The following C1QTNF7 variants were observed in gnomAD, a reference collection of about 807,000 sequenced individuals.
C1QTNF7 encodes complement C1q tumor necrosis factor-related protein 7.
In C1QTNF7, 15 loss-of-function variants were observed where a neutral mutation model predicts 19.6. The observed-to-expected ratio is 0.76, with a 90% CI of 0.51 to 1.18. The LOEUF is 1.18. Ranked by LOEUF, C1QTNF7 falls within the 50% of genes most tolerant of loss-of-function variation. The probability of loss-of-function intolerance (pLI) is 0.00; values close to 1 mark genes in which losing one functional copy is unlikely to be tolerated. For synonymous variants in C1QTNF7, 142 were observed against 137.5 expected, an observed-to-expected ratio of 1.03 and a Z score of -0.23; for missense variants, 324 against 359.7, an observed-to-expected ratio of 0.90 and a Z score of 0.80.
intron 1 of C1QTNF7, among the ~76,000 whole-genome samples, chr4:15,341,862 G>A (rs1039981614): frequency 3.3e-5 from 5 of 152,192 alleles, no homozygotes; most frequent in African/African-American, 4.8e-5. Flanking sequence ...GGACGGGTGC[G>A]GCAGAGAAAT....
chr4:15,378,976 A>G (rs1190598043), intron 1 of C1QTNF7, among the ~76,000 whole-genome samples: 1 of 152,176 alleles, frequency 6.6e-6, no homozygotes, highest in Admixed American at 6.5e-5. Context: ...TAACAATCCA[A>G]ATGATTGTCT....
intron 1 of C1QTNF7, among the ~76,000 whole-genome samples, chr4:15,355,084 A>G (rs1356888138): frequency 6.6e-6 from 1 of 152,168 alleles, no homozygotes; most frequent in South Asian, 2.1e-4. Context: ...CTCATTAGCC[A>G]TGTGACCTTG....
chr4:15,422,025 G>A (rs1711792973), intron 1 of C1QTNF7, among the ~76,000 whole-genome samples: 1 of 152,062 alleles, frequency 6.6e-6, no homozygotes, highest in Admixed American at 6.6e-5. Flanking sequence ...CAGGCAGCTG[G>A]GGTGGAGGAG....
At chr4:15,398,961 C>A (rs750452737) in intron 1 of C1QTNF7, among the ~76,000 whole-genome samples, 1 of 152,078 alleles carries the variant, frequency 6.6e-6, no homozygotes, top group African/African-American at 2.4e-5. Flanking sequence ...ATGGGCTGTC[C>A]GTATGCACAG....
At chr4:15,421,761 G>A (rs907639586) in intron 1 of C1QTNF7, among the ~76,000 whole-genome samples, 1 of 152,116 alleles carries the variant, frequency 6.6e-6, no homozygotes, top group Non-Finnish European at 1.5e-5. Flanking sequence ...ACTTCGCTAA[G>A]TGGTCAGGAC....
At chr4:15,410,184 C>T (rs1267400873) in intron 1 of C1QTNF7, among the ~76,000 whole-genome samples, 1 of 152,192 alleles carries the variant, frequency 6.6e-6, no homozygotes, top group Non-Finnish European at 1.5e-5. Flanking sequence ...TCTTAGACAT[C>T]TTCCACACTA....
At chr4:15,428,479 T>C (rs1156975779) in intron 1 of C1QTNF7, among the ~76,000 whole-genome samples, 2 of 150,944 alleles carry the variant, frequency 1.3e-5, no homozygotes, top group African/African-American at 4.9e-5. Flanking sequence ...TGATGAATTT[T>C]TTTTTCTTCA....
chr4:15,351,507 T>C (rs1716937016), intron 1 of C1QTNF7, among the ~76,000 whole-genome samples: 1 of 152,158 alleles, frequency 6.6e-6, no homozygotes, highest in African/African-American at 2.4e-5. Flanking sequence ...AGCATTGCAA[T>C]ATTACATAAA....
At position 15,431,040 on chromosome 4, in the gene C1QTNF7, AAGATAGATAGATGAT is replaced by A. The variant is rs200760083; in HGVS notation, c.-9+2947_-9+2961del. On this transcript the variant is annotated intron_variant, in intron 1 of 2. Transcript: ENST00000444304. ...TCATGTCATAAGCCATTTGTAGATT[AAGATAGATAGATGAT>A]AGATAGATAGATAGATAGATAGATA... Among the ~76,000 whole-genome samples the A allele has an allele frequency of 6.6e-3, 983 of 149,284 alleles. 5 individuals carry two copies. The highest frequency in any genetic ancestry group is 0.023 in the African/African-American group (946 of 40,420).
At chr4:15,364,036 C>T (rs950892295) in intron 1 of C1QTNF7, among the ~76,000 whole-genome samples, 21 of 152,274 alleles carry the variant, frequency 1.4e-4, no homozygotes, top group African/African-American at 4.3e-4. Flanking sequence ...CCTTTATATT[C>T]GCATTGTCTA....
rs1452425213 is a variant in C1QTNF7, at chr4:15,343,180, T to TA, written c.13+2977dup. On this transcript the variant is annotated intron_variant, in intron 1 of 2. Coordinates refer to the C1QTNF7 transcript ENST00000295297. The stretch of plus-strand genomic sequence containing the variant: ...CGACTCCCGTGATCGGGTTATTAAT[T>TA]AAAATCTAATGTTTTCCAAACTCAT... Among the ~76,000 whole-genome samples the TA allele has an allele frequency of 2.6e-5, 4 of 152,376 alleles. No individual in the cohort carries two copies. In the East Asian group the frequency reaches 7.7e-4, roughly 29 times the overall value.
intron 2 of C1QTNF7, among the ~76,000 whole-genome samples, chr4:15,437,422 CA>C (rs1268275501): frequency 4.6e-5 from 7 of 151,974 alleles, no homozygotes; most frequent in African/African-American, 1.5e-4. Context: ...GATAAAAACT[CA>C]GTAAATGTTA....
intron 1 of C1QTNF7, among the ~76,000 whole-genome samples, chr4:15,348,329 A>C (rs993228784): frequency 6.6e-6 from 1 of 152,192 alleles, no homozygotes; most frequent in Non-Finnish European, 1.5e-5. Flanking sequence ...AGTGACAAGC[A>C]AAGTCCAAAC....
At chr4:15,389,990 G>T (rs1718496873) in intron 1 of C1QTNF7, among the ~76,000 whole-genome samples, 1 of 152,138 alleles carries the variant, frequency 6.6e-6, no homozygotes, top group Admixed American at 6.5e-5. Flanking sequence ...ATATTATGAA[G>T]ATTATGGACT....
intron 1 of C1QTNF7, chr4:15,374,201 A>G (rs1717840810): frequency 6.6e-6 from 1 of 152,228 alleles, no homozygotes; most frequent in South Asian, 2.1e-4. Context: ...ATGCTGGTCA[A>G]GTCTTGTAAG....
intron 1 of C1QTNF7, among the ~76,000 whole-genome samples, chr4:15,394,049 C>G (rs953974498): frequency 1.3e-5 from 2 of 152,134 alleles, no homozygotes; most frequent in African/African-American, 4.8e-5. Context: ...CTCACAGATA[C>G]ATGAAGTTTG....
intron 1 of C1QTNF7, among the ~76,000 whole-genome samples, chr4:15,352,237 C>T (rs191173659): frequency 7.1e-4 from 108 of 152,290 alleles, no homozygotes; most frequent in Non-Finnish European, 1.2e-3. Context: ...AAATACATCT[C>T]TTCATCCTCA....
chr4:15,358,712 C>T (rs1184446624), intron 1 of C1QTNF7: 1 of 152,098 alleles, frequency 6.6e-6, no homozygotes. Flanking sequence ...AGAAAAGAAG[C>T]CAGGCTCTAT....
intron 1 of C1QTNF7, among the ~76,000 whole-genome samples, chr4:15,409,025 C>T (rs34028526): frequency 0.25 from 38,760 of 152,116 alleles, 5,934 homozygotes; most frequent in East Asian, 0.38. Context: ...GCAAGTCCAA[C>T]GTTCCTTCCA....
Sources: gnomAD v4.1 joint callset for allele counts (sites outside exome capture counted in the v4.1 genomes callset) on GRCh38, gnomAD v4.1.1 for gene constraint, MANE v1.5 for transcripts, NCBI Gene and HGNC (gene_info 2026-07-23, HGNC 2026-07-21) for gene names.